Variants in LMNB2 observed in about 807,000 individuals in gnomAD.
LMNB2 encodes lamin-B2.
LMNB2 carries 17 observed loss-of-function variants against 69.3 expected under a neutral mutation model. The ratio of observed to expected loss-of-function variants is 0.25; its 90% CI spans 0.17 to 0.37. The LOEUF (loss-of-function observed/expected upper bound fraction) is 0.37, where lower values mean the gene tolerates loss of function less well. LMNB2 is among the 10% of genes least tolerant of loss of function. The probability of loss-of-function intolerance (pLI) is 1.00; values close to 1 mark genes in which losing one functional copy is unlikely to be tolerated. For missense variants in LMNB2, 789 were observed against 883.6 expected (o/e 0.89, Z 1.36); for synonymous variants, 397 against 389.3 (o/e 1.02, Z -0.23).
At chr19:2,446,547 C>T (rs1467022604) in intron 1 of LMNB2, among the ~76,000 whole-genome samples, 1 of 152,220 alleles carries the variant, frequency 6.6e-6, no homozygotes, top group African/African-American at 2.4e-5. Flanking sequence ...CTTCCTGCCT[C>T]CCCTCCTCCC....
intron 2 of LMNB2, among the ~76,000 whole-genome samples, chr19:2,441,108 G>A (rs4807265): frequency 0.27 from 40,814 of 152,268 alleles, 5,643 homozygotes; most frequent in Middle Eastern, 0.34. Flanking sequence ...CCTGGACACA[G>A]GTCAGACACG....
At chr19:2,455,142 C>T (rs1214285652) in intron 1 of LMNB2, among the ~76,000 whole-genome samples, 1 of 152,042 alleles carries the variant, frequency 6.6e-6, no homozygotes, top group African/African-American at 2.4e-5. Flanking sequence ...CCACCCTGGG[C>T]CTGGTGAGAG....
At chr19:2,431,692 G>A (rs780317771) in intron 10 of LMNB2, 34 bp from the exon 11 acceptor site, 2 of 1,613,966 alleles carry the variant, frequency 1.2e-6, no homozygotes, top group Admixed American at 1.7e-5. Context: ...CATGTCCCGG[G>A]ATCGGGCCCA....
chr19:2,433,701 GC>G, intron 8 of LMNB2, 124 bp downstream of exon 8: 1 of 1,207,068 alleles, frequency 8.3e-7, no homozygotes, highest in Non-Finnish European at 1.2e-6. Flanking sequence ...TTACCCCCAT[GC>G]CCCGGTCATT....
intron 2 of LMNB2, among the ~76,000 whole-genome samples, chr19:2,444,086 C>T (rs1157255399): frequency 1.6e-4 from 25 of 152,202 alleles, no homozygotes; most frequent in Admixed American, 1.6e-3. Context: ...TCTAGGTAAG[C>T]ATGTGCAAGC....
In LMNB2 at chr19:2,443,427, A is replaced by G. The variant is rs77945419; in HGVS notation, c.401+977T>C. On this transcript the variant is annotated intron_variant, in intron 2 of 11. Transcript: ENST00000325327. The surrounding 1 kb of genome is among the most constrained non-coding windows in gnomAD (Gnocchi z 6.2). Reference sequence around the variant, plus strand: ...GGTCCCCGGTCATTCCTCTGGCCACACTCCAACTCAGGGACAACGTGGATT... The same window carrying G: ...GGTCCCCGGTCATTCCTCTGGCCACGCTCCAACTCAGGGACAACGTGGATT... Among the ~76,000 whole-genome samples the G allele has an allele frequency of 7.7e-3, 1,164 of 152,044 alleles. 20 individuals carry two copies. Among genetic ancestry groups the G allele is most frequent in the African/African-American group, 0.027 (1,112 of 41,458 alleles).
chr19:2,451,925 A>C (rs1182507544), intron 1 of LMNB2, among the ~76,000 whole-genome samples: 1 of 150,900 alleles, frequency 6.6e-6, no homozygotes, highest in Non-Finnish European at 1.5e-5. Flanking sequence ...GCCAGGGGAC[A>C]CCGGGGCAGG....
chr19:2,432,516 G>C lies in LMNB2; in HGVS notation c.1490C>G (p.Ser497Cys), dbSNP rs916285999. Residue 497 changes from serine (S) to cysteine (C), a missense_variant, in exon 9 of 12, where the codon TCT becomes TGT. By Grantham distance (112) the Ser-to-Cys change is moderately radical (BLOSUM62 -1). Around this residue, in one of 3 missense-constraint regions of LMNB2, gnomAD observed 609 missense variants for 630.9 expected, o/e 0.97. Coordinates refer to ENST00000325327, the MANE Select transcript of LMNB2 (RefSeq NM_032737.4). ...QLKNNSDKDQ[S>C]LGNWRIKRQV... ...CCTCTTGATTCTCCAGTTCCCCAGA[G>C]ACTGATCCTGGAAGACACGGCACAC... 6.2e-7 allele frequency: 1 copy of C among 1,613,000 alleles called. No individual in the cohort carries two copies. Among genetic ancestry groups the C allele is most frequent in the East Asian group, 2.2e-5 (1 of 44,870 alleles).
At chr19:2,439,029 C>G (rs1158495743) in intron 2 of LMNB2, among the ~76,000 whole-genome samples, 2 of 122,712 alleles carry the variant, frequency 1.6e-5, no homozygotes, top group Non-Finnish European at 3.3e-5. Context: ...ATTGTAGGCA[C>G]TTAAGCTTTT....
chr19:2,432,043 G>T, intron 9 of LMNB2, 141 bp from the exon 10 acceptor site: 3 of 1,118,588 alleles, frequency 2.7e-6, no homozygotes, highest in Non-Finnish European at 3.8e-6. Flanking sequence ...TATCCAGGGT[G>T]ATGGTCCCCA....
chr19:2,438,372 T>C lies in LMNB2; in HGVS notation c.558+3A>G, dbSNP rs1971853099. On this transcript the variant is annotated splice_donor_region_variant and intron_variant, in intron 3 of 11. Transcript: ENST00000325327. ...GGGGCGTCCCGTGGCTCCTGGCACC[T>C]ACCTTGGCCAGCTGGGCCCGCAGCT... 2 of 1,612,990 alleles carry C rather than the reference T, an allele frequency of 1.2e-6. No individual in the cohort carries two copies. Among genetic ancestry groups the C allele is most frequent in the Admixed American group, 1.7e-5 (1 of 60,010 alleles).
chr19:2,430,977 C>A (rs372834607), intron 11 of LMNB2, 25 bp from the exon 12 acceptor site: 23 of 1,584,684 alleles, frequency 1.5e-5, no homozygotes, highest in Non-Finnish European at 1.9e-5. Flanking sequence ...GAAGGAAGGT[C>A]GGCCATGATC....
rs747749342 is a variant in LMNB2, at chr19:2,434,944, G to A, written c.856-31C>T. 215 of 1,579,202 alleles carry A rather than the reference G, an allele frequency of 1.4e-4. 1 individual carries two copies. Among genetic ancestry groups the A allele is most frequent in the Admixed American group, 1.4e-4 (8 of 56,190 alleles). ...GGGAGACGGGCGGGTGAGTGCGGGC[G>A]CGGGGCGGGGCGGGGTTCCCACCGG... On this transcript the variant is annotated intron_variant, in intron 5 of 11. Transcript: ENST00000325327.
chr19:2,451,052 C>A (rs1482860299), intron 1 of LMNB2, among the ~76,000 whole-genome samples: 1 of 151,834 alleles, frequency 6.6e-6, no homozygotes, highest in African/African-American at 2.4e-5. Context: ...ACCAGCCTGA[C>A]CAGCATGGTG....
chr19:2,434,971 C>CA, intron 5 of LMNB2, 30 bp downstream of exon 5: 2 of 1,592,898 alleles, frequency 1.3e-6, no homozygotes, highest in Non-Finnish European at 1.7e-6. Flanking sequence ...TCCCACCGGC[C>CA]GCCCCCGCCC....
chr19:2,440,979 G>T (rs889646258), intron 2 of LMNB2, among the ~76,000 whole-genome samples: 4 of 152,186 alleles, frequency 2.6e-5, no homozygotes, highest in Admixed American at 1.3e-4. Context: ...CCTAGGATCC[G>T]TAATAAATCT....
chr19:2,441,928 G>T (rs1971904542), intron 2 of LMNB2, among the ~76,000 whole-genome samples: 1 of 152,218 alleles, frequency 6.6e-6, no homozygotes, highest in Non-Finnish European at 1.5e-5. Context: ...GGGGAATCCG[G>T]GAAGCTCCTC....
intron 4 of LMNB2, 104 bp from the exon 5 acceptor site, chr19:2,435,275 T>TG: frequency 6.8e-7 from 1 of 1,468,594 alleles, no homozygotes; most frequent in Middle Eastern, 2.4e-4. Context: ...AGGCAATTCC[T>TG]GGTTCCTTGT....
At chr19:2,444,333 C>T (rs530766846) in intron 2 of LMNB2, 71 bp downstream of exon 2, 38 of 1,582,480 alleles carry the variant, frequency 2.4e-5, no homozygotes, top group East Asian at 4.5e-5. Flanking sequence ...ACGAGCCCAG[C>T]GCCCACCTGC....
Sources: gnomAD v4.1 joint callset for allele counts (sites outside exome capture counted in the v4.1 genomes callset) on GRCh38, gnomAD v4.1.1 for gene constraint, gnomAD v4.1.1 regional missense constraint, Gnocchi (gnomAD v3.1) non-coding constraint, MANE v1.5 for transcripts, NCBI Gene and HGNC (gene_info 2026-07-23, HGNC 2026-07-21) for gene names.